The following COL26A1 variants were observed in gnomAD, a reference collection of about 807,000 sequenced individuals.
COL26A1 encodes collagen type XXVI alpha 1 chain.
Under a neutral mutation model 59.3 loss-of-function variants are expected in COL26A1, and 41 were observed. The observed-to-expected ratio is 0.69, with a 90% CI of 0.54 to 0.90. The LOEUF (loss-of-function observed/expected upper bound fraction) is 0.90, where lower values mean the gene tolerates loss of function less well. COL26A1 is among the 40% of genes least tolerant of loss of function. The pLI is 0.00. For synonymous variants in COL26A1, 266 were observed against 256.0 expected, an observed-to-expected ratio of 1.04 and a Z score of -0.37; for missense variants, 612 against 602.3, an observed-to-expected ratio of 1.02 and a Z score of -0.17.
intron 3 of COL26A1, among the ~76,000 whole-genome samples, chr7:101,459,076 A>C (rs576235838): frequency 3.3e-5 from 5 of 152,244 alleles, no homozygotes; most frequent in African/African-American, 1.2e-4. Flanking sequence ...GGCCTTCCGA[A>C]GTGCTGGGAT....
chr7:101,390,072 A>G (rs890070729), intron 1 of COL26A1, among the ~76,000 whole-genome samples: 2 of 149,922 alleles, frequency 1.3e-5, no homozygotes, highest in Admixed American at 1.3e-4. Context: ...TTTGGGTGTC[A>G]TAGCCAAGAA....
At chr7:101,470,825 G>A (rs1793881181) in intron 3 of COL26A1, among the ~76,000 whole-genome samples, 1 of 152,002 alleles carries the variant, frequency 6.6e-6, no homozygotes. Flanking sequence ...GGGGGTCAAG[G>A]TTGGAGCTGA....
chr7:101,387,668 C>CATATAT (rs202015842), intron 1 of COL26A1, among the ~76,000 whole-genome samples: 4 of 123,992 alleles, frequency 3.2e-5, no homozygotes, highest in African/African-American at 1.3e-4. Context: ...TAAATACATA[C>CATATAT]ATATATATAT....
At chr7:101,392,998 G>T (rs928016625) in intron 1 of COL26A1, among the ~76,000 whole-genome samples, 4 of 106,412 alleles carry the variant, frequency 3.8e-5, no homozygotes, top group Non-Finnish European at 5.7e-5. Context: ...ATAAAAAAAT[G>T]TTTTTTTGTT....
chr7:101,376,523 C>T (rs757509381), intron 1 of COL26A1, among the ~76,000 whole-genome samples: 2 of 152,112 alleles, frequency 1.3e-5, no homozygotes, highest in Non-Finnish European at 2.9e-5. Flanking sequence ...GATAGGTTTC[C>T]GGTGCTCTCC....
Position 101,525,697 on chromosome 7 carries a change from T to C in COL26A1, c.386-7385T>C, listed in dbSNP as rs180824652. On this transcript the variant is annotated intron_variant, in intron 3 of 12. Coordinates refer to ENST00000313669, the MANE Select transcript of COL26A1 (RefSeq NM_001278563.3). Reference sequence around the variant, plus strand: ...ATTTTTAGTAGAGACGGGGTTTCACTGTGTTAGCCAGGATGGTCTCGATCT... The same window carrying C: ...ATTTTTAGTAGAGACGGGGTTTCACCGTGTTAGCCAGGATGGTCTCGATCT... Among the ~76,000 whole-genome samples, 330 of 151,894 alleles carry C rather than the reference T, an allele frequency of 2.2e-3. 1 individual carries two copies. The highest frequency in any genetic ancestry group is 0.012 in the East Asian group (62 of 5,140).
At chr7:101,517,798 ATTTTTTTTTTT>A (rs869245512) in intron 3 of COL26A1, among the ~76,000 whole-genome samples, 3,115 of 76,996 alleles carry the variant, frequency 0.04, 107 homozygotes, top group Middle Eastern at 0.13. Flanking sequence ...TTCTCCCCGC[ATTTTTTTTTTT>A]TTTTTTTTTT....
At chr7:101,423,167 AG>A (rs1792565507) in intron 2 of COL26A1, among the ~76,000 whole-genome samples, 1 of 152,258 alleles carries the variant, frequency 6.6e-6, no homozygotes, top group East Asian at 1.9e-4. Context: ...CAGGAGGCTG[AG>A]GCAGGGAGAA....
chr7:101,405,366 C>T (rs1792105661), intron 1 of COL26A1, among the ~76,000 whole-genome samples: 1 of 151,474 alleles, frequency 6.6e-6, no homozygotes, highest in African/African-American at 2.4e-5. Context: ...GACAAAGTCA[C>T]TGTATCACCC....
At chr7:101,515,573 C>A (rs1795012280) in intron 3 of COL26A1, among the ~76,000 whole-genome samples, 1 of 144,540 alleles carries the variant, frequency 6.9e-6, no homozygotes, top group Non-Finnish European at 1.5e-5. Flanking sequence ...CATGAGCCAC[C>A]ATGTCTGGCT....
chr7:101,450,581 C>T (rs1405597543), intron 3 of COL26A1, among the ~76,000 whole-genome samples: 10 of 151,748 alleles, frequency 6.6e-5, no homozygotes, highest in Admixed American at 6.6e-4. Context: ...AGTGCAAAGG[C>T]CAGACCTCCT....
intron 3 of COL26A1, among the ~76,000 whole-genome samples, chr7:101,487,007 C>T (rs73712172): frequency 0.13 from 20,383 of 152,128 alleles, 2,235 homozygotes; most frequent in African/African-American, 0.3. Flanking sequence ...GGGCCGACAG[C>T]TCCCAATTAA....
Position 101,556,993 on chromosome 7 carries a change from GTGGATGGATGGA to G in COL26A1, c.1166-336_1166-325del, listed in dbSNP as rs72354212. The stretch of plus-strand genomic sequence containing the variant: ...GGTGGATAAGTGAGTGGATGGATGG[GTGGATGGATGGA>G]TGGATGGATGGATGGATGGATGGAT... On this transcript the variant is annotated intron_variant, in intron 12 of 12. Transcript: ENST00000313669. Among the ~76,000 whole-genome samples the G allele has an allele frequency of 1.1e-3, 154 of 144,794 alleles. 1 individual carries two copies. The highest frequency in any genetic ancestry group is 3.5e-3 in the African/African-American group (138 of 38,912). The allele number at this position is 144,794 out of a possible 152,430, so 95.0% of individuals were successfully genotyped here. A position where few individuals can be genotyped will look rare whatever the true frequency, so the allele number is the denominator to read the frequency against.
At chr7:101,363,960 C>T (rs1330354210) in intron 1 of COL26A1, among the ~76,000 whole-genome samples, 2 of 152,170 alleles carry the variant, frequency 1.3e-5, no homozygotes, top group Non-Finnish European at 2.9e-5. Flanking sequence ...GGGGCTGAGG[C>T]CGCGGAGGAT....
At chr7:101,369,481 C>T (rs1188547626) in intron 1 of COL26A1, among the ~76,000 whole-genome samples, 1 of 128,728 alleles carries the variant, frequency 7.8e-6, no homozygotes. Flanking sequence ...CAGAGTCTCG[C>T]TCTGTCGCCC....
At chr7:101,487,864 C>T (rs891556489) in intron 3 of COL26A1, among the ~76,000 whole-genome samples, 1 of 152,226 alleles carries the variant, frequency 6.6e-6, no homozygotes, top group Admixed American at 6.5e-5. Context: ...ACCCACCCTG[C>T]ACCCACCGGC....
At chr7:101,474,395 G>A (rs1793984888) in intron 3 of COL26A1, among the ~76,000 whole-genome samples, 2 of 150,862 alleles carry the variant, frequency 1.3e-5, no homozygotes, top group South Asian at 2.1e-4. Context: ...CCAGGAAGTC[G>A]AGACCAGCCT....
intron 2 of COL26A1, among the ~76,000 whole-genome samples, chr7:101,442,687 C>T (rs796935176): frequency 2.6e-5 from 4 of 152,188 alleles, no homozygotes; most frequent in Admixed American, 1.3e-4. Context: ...AGAGGTTAGT[C>T]CTCAGGTATG....
chr7:101,439,855 C>T (rs904476990), intron 2 of COL26A1, among the ~76,000 whole-genome samples: 9 of 152,068 alleles, frequency 5.9e-5, no homozygotes, highest in Non-Finnish European at 1.2e-4. Flanking sequence ...GGCACCTGGC[C>T]GGGACCTTGT....
Sources: allele counts gnomAD v4.1 joint callset (sites outside exome capture counted in the v4.1 genomes callset), GRCh38; gene constraint gnomAD v4.1.1; transcripts MANE v1.5; gene names NCBI Gene and HGNC (gene_info 2026-07-23, HGNC 2026-07-21).